The following MCF2L2 variants were observed in gnomAD, a reference collection of about 807,000 sequenced individuals.
MCF2L2 encodes the protein MCF.2 cell line derived transforming sequence-like 2, also known as probable guanine nucleotide exchange factor MCF2L2.
MCF2L2 carries 102 observed loss-of-function variants against 150.2 expected under a neutral mutation model. The observed-to-expected ratio is 0.68, with a 90% CI of 0.58 to 0.80. MCF2L2 has a LOEUF of 0.80. Ranked by LOEUF, MCF2L2 falls within the 30% of genes least tolerant of loss-of-function variation. The probability of loss-of-function intolerance (pLI) is 0.00; values close to 1 mark genes in which losing one functional copy is unlikely to be tolerated. For missense variants in MCF2L2, 1,256 were observed against 1,372.8 expected (o/e 0.91, Z 1.34); for synonymous variants, 465 against 491.3 (o/e 0.95, Z 0.71).
chr3:183,228,182 C>T (rs954940088), intron 18 of MCF2L2, 115 bp downstream of exon 18: 10 of 717,440 alleles, frequency 1.4e-5, no homozygotes, highest in East Asian at 7.8e-5. Context: ...AGCTTGGAGT[C>T]GGAGGGAAGC....
chr3:183,234,443 A>C (rs564973665), intron 15 of MCF2L2, among the ~76,000 whole-genome samples: 1 of 152,328 alleles, frequency 6.6e-6, no homozygotes, highest in African/African-American at 2.4e-5. Flanking sequence ...TCTGGATTAC[A>C]GTTTGGAAAA....
intron 1 of MCF2L2, among the ~76,000 whole-genome samples, chr3:183,394,210 C>T (rs992062048): frequency 5.9e-5 from 9 of 152,090 alleles, no homozygotes; most frequent in Middle Eastern, 3.2e-3. Context: ...TGCAACAACG[C>T]GTAACAAGCC....
At chr3:183,218,019 AT>A in intron 21 of MCF2L2, among the ~76,000 whole-genome samples, 1 of 152,272 alleles carries the variant, frequency 6.6e-6, no homozygotes, top group Non-Finnish European at 1.5e-5. Flanking sequence ...TATTCAATGT[AT>A]TTTTTTAACA....
At chr3:183,324,921 T>C (rs1033397574) in intron 5 of MCF2L2, among the ~76,000 whole-genome samples, 3 of 151,678 alleles carry the variant, frequency 2.0e-5, no homozygotes, top group South Asian at 2.1e-4. Flanking sequence ...CACATATACA[T>C]CATGGAATAC....
rs558281949 is a variant in MCF2L2 at position 183,199,954 on chromosome 3, C to A, written c.2885-4699G>T. Among the ~76,000 whole-genome samples, 3 of 152,268 alleles carry A rather than the reference C, an allele frequency of 2.0e-5. No individual in the cohort carries two copies. The East Asian group carries it at 5.8e-4, about 29-fold the overall frequency. Reference sequence around the variant, plus strand: ...ACCATGTCCCTACAAAGGACATGAACTCATTGTTTTTTATGGCTGCATAGT... The same window carrying A: ...ACCATGTCCCTACAAAGGACATGAAATCATTGTTTTTTATGGCTGCATAGT... On this transcript the variant is annotated intron_variant, in intron 25 of 29. Coordinates refer to ENST00000328913, the MANE Select transcript of MCF2L2 (RefSeq NM_015078.4).
chr3:183,205,623 T>A (rs960566483), intron 25 of MCF2L2, among the ~76,000 whole-genome samples: 1 of 152,128 alleles, frequency 6.6e-6, no homozygotes, highest in Non-Finnish European at 1.5e-5. Context: ...TGATTAAAGG[T>A]GACCTTGGCA....
intron 13 of MCF2L2, among the ~76,000 whole-genome samples, chr3:183,291,786 T>G (rs938895428): frequency 6.6e-6 from 1 of 152,272 alleles, no homozygotes; most frequent in East Asian, 1.9e-4. Flanking sequence ...AATGACAACC[T>G]GTTCAGACTT....
intron 3 of MCF2L2, chr3:183,376,191 T>A (rs1267555117): frequency 1.3e-5 from 2 of 152,196 alleles, no homozygotes; most frequent in Non-Finnish European, 2.9e-5. Flanking sequence ...GATCTCCTCA[T>A]CTCCATCTGT....
rs34297018 is a variant in MCF2L2 at position 183,356,169 on chromosome 3, T to TAAA, written c.276-14542_276-14540dup. ...GGTCTTTCTAGAAATAAAATTGACT[T>TAAA]AAAAAAAAAAAAAAAACTCTGCCTC... On this transcript the variant is annotated intron_variant, in intron 3 of 29. Transcript: ENST00000328913. 5.7e-3 allele frequency among the ~76,000 whole-genome samples: 752 copies of TAAA among 132,768 alleles called. 3 individuals carry two copies. Among genetic ancestry groups the TAAA allele is most frequent in the Non-Finnish European group, 7.9e-3 (487 of 61,968 alleles). The allele number at this position is 132,768 out of a possible 152,430, so 87.1% of individuals were successfully genotyped here.
chr3:183,270,011 T>C lies in MCF2L2; in HGVS notation c.1862+6861A>G, dbSNP rs1490037194. On this transcript the variant is annotated intron_variant, in intron 15 of 29. Transcript: ENST00000328913. This position sits in a 1 kb window ranked among gnomAD's most constrained non-coding sequence, Gnocchi z 4.5. ...CTCTTAAGCACACCTCAGCGGGGCC[T>C]CGCTACCAATACTTGATTAACCACA... 1.9e-6 allele frequency: 3 copies of C among 1,614,182 alleles called. No individual in the cohort carries two copies. Among genetic ancestry groups the C allele is most frequent in the Non-Finnish European group, 2.5e-6 (3 of 1,180,034 alleles).
chr3:183,199,062 G>C (rs151260914), intron 25 of MCF2L2, among the ~76,000 whole-genome samples: 2 of 152,020 alleles, frequency 1.3e-5, no homozygotes, highest in African/African-American at 4.8e-5. Flanking sequence ...TTTAAATCAA[G>C]AACTTATGTT....
At chr3:183,415,388 C>T (rs906216428) in intron 1 of MCF2L2, among the ~76,000 whole-genome samples, 3 of 152,004 alleles carry the variant, frequency 2.0e-5, no homozygotes, top group Admixed American at 6.6e-5. Flanking sequence ...GGTTTCACCA[C>T]GTTGGCCAGG....
Position 183,270,953 on chromosome 3 carries a change from A to G in MCF2L2, c.1862+5919T>C, listed in dbSNP as rs1726718134. 10 of 1,536,180 alleles carry G rather than the reference A, an allele frequency of 6.5e-6. No individual in the cohort carries two copies. The highest frequency in any genetic ancestry group is 8.7e-6 in the Non-Finnish European group (10 of 1,144,784). The stretch of plus-strand genomic sequence containing the variant: ...TTATCTAATAGTACTTGAATGTTGT[A>G]TGTTTTCACTGTCACTGAGTCAAAC... On this transcript the variant is annotated intron_variant, in intron 15 of 29. Coordinates refer to ENST00000328913, the MANE Select transcript of MCF2L2 (RefSeq NM_015078.4). The surrounding 1 kb of genome is among the most constrained non-coding windows in gnomAD (Gnocchi z 4.5).
At chr3:183,398,765 C>T (rs1028838453) in intron 1 of MCF2L2, among the ~76,000 whole-genome samples, 4 of 152,186 alleles carry the variant, frequency 2.6e-5, no homozygotes, top group South Asian at 4.1e-4. Context: ...ATGAATATAA[C>T]GTGGCAGTAA....
chr3:183,223,270 A>C, intron 20 of MCF2L2, 76 bp downstream of exon 20: 1 of 1,076,916 alleles, frequency 9.3e-7, no homozygotes, highest in Middle Eastern at 2.0e-4. Context: ...ACAGCTCTAC[A>C]TGTGTAACGA....
intron 3 of MCF2L2, among the ~76,000 whole-genome samples, chr3:183,348,765 C>T (rs936158122): frequency 6.6e-6 from 1 of 151,834 alleles, no homozygotes; most frequent in African/African-American, 2.4e-5. Context: ...CAAGGAGTAT[C>T]GGCAGAGATA....
chr3:183,315,685 T>C (rs1729575627), intron 7 of MCF2L2, among the ~76,000 whole-genome samples: 1 of 152,204 alleles, frequency 6.6e-6, no homozygotes, highest in Non-Finnish European at 1.5e-5. Context: ...TACTCCATCC[T>C]GGAAGCTGGT....
intron 5 of MCF2L2, among the ~76,000 whole-genome samples, chr3:183,335,210 G>A (rs1045691070): frequency 6.6e-5 from 10 of 151,626 alleles, no homozygotes; most frequent in African/African-American, 1.7e-4. Flanking sequence ...CTAAATCCAC[G>A]ACCCAATCCT....
At chr3:183,191,808 G>A (rs1468916935) in intron 27 of MCF2L2, among the ~76,000 whole-genome samples, 3 of 151,972 alleles carry the variant, frequency 2.0e-5, no homozygotes, top group Non-Finnish European at 4.4e-5. Context: ...TCACGACTGT[G>A]CTTTGGGGCC....
Sources: gnomAD v4.1 joint callset for allele counts (sites outside exome capture counted in the v4.1 genomes callset) on GRCh38, gnomAD v4.1.1 for gene constraint, Gnocchi (gnomAD v3.1) non-coding constraint, MANE v1.5 for transcripts, NCBI Gene and HGNC (gene_info 2026-07-23, HGNC 2026-07-21) for gene names.